Variants in TRAPPC12 observed in about 807,000 individuals in gnomAD.
TRAPPC12 encodes trafficking protein particle complex subunit 12.
TRAPPC12 carries 61 observed loss-of-function variants against 69.2 expected under a neutral mutation model. The observed-to-expected ratio is 0.88, with a 90% CI of 0.72 to 1.09. TRAPPC12 has a LOEUF of 1.09. TRAPPC12 is among the 50% of genes least tolerant of loss of function. The pLI is 0.00. For synonymous variants in TRAPPC12, 469 were observed against 438.9 expected (o/e 1.07, Z -0.86); for missense variants, 1,101 against 1,016.4 (o/e 1.08, Z -1.13).
intron 5 of TRAPPC12, among the ~76,000 whole-genome samples, chr2:3,435,339 G>T (rs1374962159): frequency 6.6e-6 from 1 of 152,134 alleles, no homozygotes; most frequent in Non-Finnish European, 1.5e-5. Flanking sequence ...GTTACTGGGG[G>T]GGCAGGGGAA....
intron 4 of TRAPPC12, 77 bp from the exon 5 acceptor site, chr2:3,424,448 C>T: frequency 7.5e-7 from 1 of 1,333,560 alleles, no homozygotes; most frequent in Non-Finnish European, 1.0e-6. Context: ...ACCTCTAACA[C>T]CAACTCATAA....
rs1023943999 is a variant in TRAPPC12 at position 3,387,648 on chromosome 2, G to C, written c.25G>C (p.Glu9Gln). 60 of 1,545,490 alleles carry C rather than the reference G, an allele frequency of 3.9e-5. No individual in the cohort carries two copies. Among genetic ancestry groups the C allele is most frequent in the Non-Finnish European group, 5.0e-5 (57 of 1,143,146 alleles). MEDAGGGE[E>Q]TPAPEAPHPP... is the part of the protein sequence containing the mutation. ...CATGGAGGACGCTGGCGGCGGCGAG[G>C]AGACCCCGGCCCCGGAGGCCCCGCA... Residue 9 changes from glutamate (E) to glutamine (Q), a missense_variant, in exon 2 of 12, where the codon GAG (glutamate) becomes CAG (glutamine). Coordinates refer to ENST00000324266, the MANE Select transcript of TRAPPC12 (RefSeq NM_016030.6).
intron 3 of TRAPPC12, among the ~76,000 whole-genome samples, chr2:3,406,706 C>T (rs1320362265): frequency 6.6e-6 from 1 of 152,120 alleles, no homozygotes; most frequent in Non-Finnish European, 1.5e-5. Context: ...TTGGTTTGGC[C>T]ATGGGGAAGC....
At chr2:3,466,995 T>C (rs1358080048) in intron 9 of TRAPPC12, among the ~76,000 whole-genome samples, 1 of 152,054 alleles carries the variant, frequency 6.6e-6, no homozygotes, top group African/African-American at 2.4e-5. Context: ...TATTTCAGAG[T>C]CATATTTTGC....
chr2:3,431,052 C>T (rs569463509), intron 5 of TRAPPC12, among the ~76,000 whole-genome samples: 1 of 152,358 alleles, frequency 6.6e-6, no homozygotes, highest in South Asian at 2.1e-4. Flanking sequence ...AGAGAGTCTA[C>T]ACAGTTGCTG....
Position 3,479,224 on chromosome 2 carries a change from C to T in TRAPPC12, c.1971C>T (p.Asn657=). The T allele has an allele frequency of 6.2e-7, 1 of 1,613,232 alleles. No individual in the cohort carries two copies. Among genetic ancestry groups the T allele is most frequent in the Non-Finnish European group, 8.5e-7 (1 of 1,179,384 alleles). ...GGGCGTGTGCTCCTCCCTAGGCCAA[C>T]AACAACGCTGCCGTGTGTCTGCTCT... is the stretch of plus-strand genomic sequence containing the variant. ...LRMDPRNAVA[N]NNAAVCLLYL... Residue 657 remains asparagine, a synonymous_variant, in exon 12 of 12, where the codon AAC becomes AAT. Transcript: ENST00000324266.
intron 3 of TRAPPC12, among the ~76,000 whole-genome samples, chr2:3,404,687 G>A (rs1324814096): frequency 1.3e-5 from 2 of 152,082 alleles, no homozygotes; most frequent in African/African-American, 4.8e-5. Flanking sequence ...GTTCACCAGT[G>A]CATCTGAGGA....
At chr2:3,396,963 G>T (rs982634318) in intron 2 of TRAPPC12, among the ~76,000 whole-genome samples, 1 of 151,732 alleles carries the variant, frequency 6.6e-6, no homozygotes, top group African/African-American at 2.4e-5. Flanking sequence ...GGCCAGTCTG[G>T]GCAACATAGG....
At chr2:3,447,536 C>T (rs1664579700) in intron 6 of TRAPPC12, among the ~76,000 whole-genome samples, 1 of 152,056 alleles carries the variant, frequency 6.6e-6, no homozygotes, top group African/African-American at 2.4e-5. Flanking sequence ...CTAACAGAGC[C>T]AGAACTCATT....
chr2:3,434,354 G>T (rs566056945), intron 5 of TRAPPC12, among the ~76,000 whole-genome samples: 5 of 152,184 alleles, frequency 3.3e-5, no homozygotes, highest in Admixed American at 2.6e-4. Flanking sequence ...CTAGGAAGGG[G>T]TGTTTTTCTT....
chr2:3,385,080 G>A (rs1458736754), intron 1 of TRAPPC12, among the ~76,000 whole-genome samples: 5 of 152,098 alleles, frequency 3.3e-5, no homozygotes, highest in African/African-American at 1.2e-4. Flanking sequence ...AAAATCTTAT[G>A]TATATAATTT....
chr2:3,383,820 C>T (rs1056460163), intron 1 of TRAPPC12, among the ~76,000 whole-genome samples: 3 of 143,264 alleles, frequency 2.1e-5, no homozygotes, highest in Non-Finnish European at 3.0e-5. Context: ...CAAGGAAAAT[C>T]GTCTCTTCCT....
At position 3,388,515 on chromosome 2, in the gene TRAPPC12, C is replaced by T; in HGVS notation, c.892C>T (p.Leu298=). Reference sequence around the variant, plus strand: ...GAGTGACGACCCCTTTGCCACCGCCCTGAGCATGAGCGAGATGGACCGGAG... The same window carrying T: ...GAGTGACGACCCCTTTGCCACCGCCTTGAGCATGAGCGAGATGGACCGGAG... ...AGSDDPFATA[L]SMSEMDRRND... The change falls in exon 2 of 12, where the codon CTG becomes TTG. Residue 298 remains leucine, a synonymous_variant. Transcript: ENST00000324266. 6.2e-7 allele frequency: 1 copy of T among 1,613,078 alleles called. No individual in the cohort carries two copies. Among genetic ancestry groups the T allele is most frequent in the African/African-American group, 1.3e-5 (1 of 75,036 alleles).
chr2:3,435,170 G>A (rs1384585048), intron 5 of TRAPPC12, among the ~76,000 whole-genome samples: 6 of 152,198 alleles, frequency 3.9e-5, no homozygotes, highest in Admixed American at 2.0e-4. Context: ...ATGCCACCAC[G>A]CCCAGCTAAT....
chr2:3,427,675 G>A (rs1254991051), intron 5 of TRAPPC12, among the ~76,000 whole-genome samples: 1 of 152,162 alleles, frequency 6.6e-6, no homozygotes, highest in Non-Finnish European at 1.5e-5. Context: ...AAGATCTCTT[G>A]AGGCCAGAAG....
At chr2:3,417,414 AGTCG>A (rs1393030593) in intron 3 of TRAPPC12, among the ~76,000 whole-genome samples, 2 of 151,818 alleles carry the variant, frequency 1.3e-5, no homozygotes, top group African/African-American at 4.8e-5. Context: ...AGACTGCCCT[AGTCG>A]GTCTGTACGC....
At chr2:3,457,338 C>T in intron 6 of TRAPPC12, 3 of 471,058 alleles carry the variant, frequency 6.4e-6, no homozygotes, top group Non-Finnish European at 8.0e-6. Context: ...CTGTTGGGTC[C>T]CATGCTGACT....
At chr2:3,432,814 G>C (rs1458858673) in intron 5 of TRAPPC12, among the ~76,000 whole-genome samples, 1 of 152,154 alleles carries the variant, frequency 6.6e-6, no homozygotes, top group African/African-American at 2.4e-5. Flanking sequence ...CACCCAAATG[G>C]AGACCTCTCC....
intron 3 of TRAPPC12, 31 bp downstream of exon 3, chr2:3,401,924 G>A (rs1223199572): frequency 6.9e-7 from 1 of 1,439,964 alleles, no homozygotes; most frequent in Non-Finnish European, 9.5e-7. Context: ...TTTCAGTGTT[G>A]TTTTGTGATA....
Sources: allele counts gnomAD v4.1 joint callset (sites outside exome capture counted in the v4.1 genomes callset), GRCh38; gene constraint gnomAD v4.1.1; transcripts MANE v1.5; gene names NCBI Gene and HGNC (gene_info 2026-07-23, HGNC 2026-07-21).